The following TUSC3 variants were observed in gnomAD, a reference collection of about 807,000 sequenced individuals.
The protein encoded by TUSC3 is tumor suppressor candidate 3.
Under a neutral mutation model 44.8 loss-of-function variants are expected in TUSC3, and 45 were observed. The ratio of observed to expected loss-of-function variants is 1.00; its 90% CI spans 0.79 to 1.29. The LOEUF (loss-of-function observed/expected upper bound fraction) is 1.29, where lower values mean the gene tolerates loss of function less well. TUSC3 is among the 50% of genes most tolerant of loss of function. The probability of loss-of-function intolerance (pLI) is 0.00; values close to 1 mark genes in which losing one functional copy is unlikely to be tolerated. For synonymous variants in TUSC3, 212 were observed against 152.9 expected (o/e 1.39, Z -2.85); for missense variants, 519 against 437.9 (o/e 1.19, Z -1.65).
chr8:15,777,332 G>A, the TUSC3 span, among the ~76,000 whole-genome samples: 2 of 152,154 alleles, frequency 1.3e-5, no homozygotes, highest in Admixed American at 6.5e-5. Context: ...AGAAGGCATA[G>A]TGTGCCTCAG....
chr8:15,525,462 T>A (rs1801360991), intron 2 of TUSC3, among the ~76,000 whole-genome samples: 1 of 152,234 alleles, frequency 6.6e-6, no homozygotes, highest in Non-Finnish European at 1.5e-5. Context: ...CTACTATTAT[T>A]TTTAAATAAG....
chr8:15,814,391 C>G, the TUSC3 span, among the ~76,000 whole-genome samples: 1 of 152,138 alleles, frequency 6.6e-6, no homozygotes. Context: ...ATATGAGTCA[C>G]TAATAGAGAA....
intron 9 of TUSC3, among the ~76,000 whole-genome samples, chr8:15,753,718 G>A (rs1811804719): frequency 1.3e-5 from 2 of 151,924 alleles, no homozygotes; most frequent in Non-Finnish European, 2.9e-5. Flanking sequence ...GATGATAACT[G>A]CCTGACAAAC....
chr8:15,595,321 T>A (rs1325679796), intron 1 of TUSC3, among the ~76,000 whole-genome samples: 2 of 152,134 alleles, frequency 1.3e-5, no homozygotes, highest in African/African-American at 4.8e-5. Context: ...GTGTAAATCT[T>A]TCCTCTTTAG....
intron 1 of TUSC3, among the ~76,000 whole-genome samples, chr8:15,470,869 G>A (rs868660729): frequency 6.6e-5 from 10 of 152,100 alleles, no homozygotes; most frequent in Admixed American, 5.9e-4. Flanking sequence ...TAGGACGGTG[G>A]CCTGGCCAGG....
intron 1 of TUSC3, among the ~76,000 whole-genome samples, chr8:15,597,104 A>T (rs1804105723): frequency 6.6e-6 from 1 of 152,140 alleles, no homozygotes; most frequent in African/African-American, 2.4e-5. Context: ...TCAGAGATAC[A>T]GTGATAAATA....
chr8:15,570,744 A>G (rs1047498045), intron 1 of TUSC3, among the ~76,000 whole-genome samples: 8 of 152,050 alleles, frequency 5.3e-5, no homozygotes, highest in Non-Finnish European at 1.2e-4. Context: ...TAATTGGGCC[A>G]GTATTCAAAT....
chr8:15,518,057 A>T (rs1801246297), intron 2 of TUSC3, among the ~76,000 whole-genome samples: 1 of 151,936 alleles, frequency 6.6e-6, no homozygotes, highest in Admixed American at 6.6e-5. Context: ...TCCGGTAACC[A>T]ACTATTCCAC....
chr8:15,835,962 G>GT, the TUSC3 span, among the ~76,000 whole-genome samples: 1 of 152,032 alleles, frequency 6.6e-6, no homozygotes, highest in African/African-American at 2.4e-5. Flanking sequence ...GTGTATGTAA[G>GT]TTCCAAACTG....
At chr8:15,740,950 A>ATTGT (rs1409416581) in intron 7 of TUSC3, among the ~76,000 whole-genome samples, 1 of 152,180 alleles carries the variant, frequency 6.6e-6, no homozygotes. Context: ...CTGTTACCAC[A>ATTGT]TTGTTTGAAT....
chr8:15,803,990 A>G, the TUSC3 span, among the ~76,000 whole-genome samples: 1 of 152,128 alleles, frequency 6.6e-6, no homozygotes, highest in Non-Finnish European at 1.5e-5. Context: ...TGCTATTGTA[A>G]TTAATGCTGC....
chr8:15,666,190 G>A (rs1447243496), intron 5 of TUSC3, among the ~76,000 whole-genome samples: 1 of 151,394 alleles, frequency 6.6e-6, no homozygotes, highest in South Asian at 2.1e-4. Context: ...GGTCCTCATA[G>A]GTGACTGTCA....
intron 5 of TUSC3, among the ~76,000 whole-genome samples, chr8:15,665,795 G>T (rs1303816245): frequency 6.6e-6 from 1 of 151,192 alleles, no homozygotes; most frequent in Non-Finnish European, 1.5e-5. Flanking sequence ...AAGAGCTAAA[G>T]ATATTCATAA....
At chr8:15,427,164 T>A (rs1799814280) in intron 1 of TUSC3, among the ~76,000 whole-genome samples, 1 of 151,710 alleles carries the variant, frequency 6.6e-6, no homozygotes, top group Non-Finnish European at 1.5e-5. Context: ...ACAAATACTT[T>A]ATTTCATTCT....
At chr8:15,699,901 A>C (rs973065081) in intron 6 of TUSC3, among the ~76,000 whole-genome samples, 2 of 152,196 alleles carry the variant, frequency 1.3e-5, no homozygotes, top group African/African-American at 4.8e-5. Flanking sequence ...AGCATCAGCA[A>C]AAGCCTCTAT....
chr8:15,795,849 C>T, the TUSC3 span, among the ~76,000 whole-genome samples: 1 of 152,170 alleles, frequency 6.6e-6, no homozygotes, highest in African/African-American at 2.4e-5. Flanking sequence ...ATGAGGTCAG[C>T]CAGTCCAATC....
chr8:15,429,731 G>A (rs1799849548), intron 1 of TUSC3, among the ~76,000 whole-genome samples: 1 of 151,400 alleles, frequency 6.6e-6, no homozygotes, highest in African/African-American at 2.4e-5. Flanking sequence ...TATTCTCTTT[G>A]AAGGAATTGT....
the TUSC3 span, among the ~76,000 whole-genome samples, chr8:15,808,074 A>G: frequency 6.6e-6 from 1 of 152,320 alleles, no homozygotes; most frequent in African/African-American, 2.4e-5. Flanking sequence ...AGCATCCTAC[A>G]TATACTAGCT....
chr8:15,506,961 A>G (rs62502469), intron 2 of TUSC3, among the ~76,000 whole-genome samples: 32,172 of 152,158 alleles, frequency 0.21, 3,669 homozygotes, highest in East Asian at 0.4. Flanking sequence ...TTGTCTGGTC[A>G]TATTTCTAGA....
Sources: allele counts gnomAD v4.1 joint callset (sites outside exome capture counted in the v4.1 genomes callset), GRCh38; gene constraint gnomAD v4.1.1; transcripts MANE v1.5; gene names NCBI Gene and HGNC (gene_info 2026-07-23, HGNC 2026-07-21).